LCT: variants seen among roughly 807,000 people sequenced by gnomAD.
LCT encodes lactase/phlorizin hydrolase.
In LCT, 90 loss-of-function variants were observed where a neutral mutation model predicts 173.0. The ratio of observed to expected loss-of-function variants is 0.52; its 90% CI spans 0.44 to 0.62. The LOEUF (loss-of-function observed/expected upper bound fraction) is 0.62. LCT is among the 20% of genes least tolerant of loss of function. The probability of loss-of-function intolerance (pLI) is 0.00; values close to 1 mark genes in which losing one functional copy is unlikely to be tolerated. For missense variants in LCT, 1,864 were observed against 2,431.4 expected, an observed-to-expected ratio of 0.77 and a Z score of 4.91; for synonymous variants, 853 against 957.6, an observed-to-expected ratio of 0.89 and a Z score of 2.02.
intron 12 of LCT, among the ~76,000 whole-genome samples, chr2:135,799,331 G>A (rs1384837964): frequency 1.3e-5 from 2 of 152,096 alleles, no homozygotes; most frequent in South Asian, 2.1e-4. Context: ...CCTTCCTGAT[G>A]CAAAATGTAG....
At chr2:135,794,601 T>C in intron 14 of LCT, 40 bp downstream of exon 14, 2 of 1,610,634 alleles carry the variant, frequency 1.2e-6, no homozygotes, top group Non-Finnish European at 1.7e-6. Context: ...CTTTCTGCCT[T>C]TTCCAGAGAT....
chr2:135,790,903 ATGAGGTCT>A lies in LCT; in HGVS notation c.5112-30_5112-23del. On this transcript the variant is annotated intron_variant, in intron 14 of 16. Coordinates refer to ENST00000264162, the MANE Select transcript of LCT (RefSeq NM_002299.4). This position sits in a 1 kb window ranked among gnomAD's most constrained non-coding sequence, Gnocchi z 4.1. ...TCCTCTACAAGTTCAAAAACTAAAG[ATGAGGTCT>A]TGTTTTGTAAATCTCAAGAGGCCCT... is the stretch of plus-strand genomic sequence containing the variant. 6.4e-7 allele frequency: 1 copy of A among 1,569,100 alleles called. No homozygotes were observed. Among genetic ancestry groups the A allele is most frequent in the Non-Finnish European group, 8.8e-7 (1 of 1,138,834 alleles).
At position 135,812,389 on chromosome 2, in the gene LCT, T is replaced by C. The variant is rs1477452077; in HGVS notation, c.2275A>G (p.Ile759Val). The C allele has an allele frequency of 4.3e-6, 7 of 1,613,936 alleles. No individual in the cohort carries two copies. The highest frequency in any genetic ancestry group is 5.9e-6 in the Non-Finnish European group (7 of 1,179,872). Residue 759 changes from isoleucine to valine, a missense_variant, in exon 7 of 17, where the codon ATA (isoleucine) becomes GTA (valine). By Grantham distance (29) the Ile-to-Val change is conservative. This residue lies in a region of LCT where 755 missense variants were observed against 926.3 expected (regional missense o/e 0.82). Transcript: ENST00000264162. ...PIYLAGNGMPIGESENLFDDS... is the reference protein window; with the variant it reads ...PIYLAGNGMPVGESENLFDDS... ...TCAAAGAGATTTTCACTTTCCCCTA[T>C]GGGCATGCCATTCCCGGCAAGGTAT... is the stretch of plus-strand genomic sequence containing the variant.
intron 3 of LCT, among the ~76,000 whole-genome samples, chr2:135,825,327 G>C (rs566010686): frequency 6.6e-6 from 1 of 152,296 alleles, no homozygotes; most frequent in South Asian, 2.1e-4. Context: ...TCGAGAGGCC[G>C]AGCGGGTTGC....
intron 5 of LCT, among the ~76,000 whole-genome samples, chr2:135,821,327 G>T (rs1252049716): frequency 6.6e-6 from 1 of 152,146 alleles, no homozygotes; most frequent in African/African-American, 2.4e-5. Context: ...GCAACAGCTG[G>T]CTTTCCTGTC....
At chr2:135,812,247 A>T in intron 7 of LCT, 64 bp downstream of exon 7, 2 of 1,406,482 alleles carry the variant, frequency 1.4e-6, no homozygotes. Flanking sequence ...TTATTAAACG[A>T]AACTTTGAAG....
intron 1 of LCT, 69 bp downstream of exon 1, chr2:135,836,461 C>G: frequency 7.1e-7 from 1 of 1,414,082 alleles, no homozygotes; most frequent in South Asian, 1.1e-5. Context: ...CGAATCTGCT[C>G]TAAGGAGGAT....
chr2:135,806,224 G>A (rs1226772120), intron 9 of LCT, among the ~76,000 whole-genome samples: 2 of 151,972 alleles, frequency 1.3e-5, no homozygotes, highest in Admixed American at 1.3e-4. Context: ...TCCTCGTCTC[G>A]AGCGATCCTC....
Position 135,797,631 on chromosome 2 carries a change from C to T in LCT, c.4976+398G>A, listed in dbSNP as rs910241732. On this transcript the variant is annotated intron_variant, in intron 13 of 16. Transcript: ENST00000264162. ...TCCTTCCTTGACAAGAAGGGGCGGG[C>T]GGGTAAGGAAGGACGCTTTGGTGCA... Among the ~76,000 whole-genome samples the T allele has an allele frequency of 3.9e-5, 6 of 152,264 alleles. No homozygotes were observed. The East Asian group carries it at 7.7e-4, about 20-fold the overall frequency.
Position 135,807,381 on chromosome 2 carries a change from C to G in LCT, c.3920G>C (p.Gly1307Ala). 4 of 1,614,126 alleles carry G rather than the reference C, an allele frequency of 2.5e-6. No individual in the cohort carries two copies. The highest frequency in any genetic ancestry group is 3.4e-6 in the Non-Finnish European group (4 of 1,180,014). Residue 1307 changes from glycine to alanine, a missense_variant, in exon 9 of 17, where the codon GGT (glycine) becomes GCT (alanine). Physicochemically the swap from Gly to Ala is moderately conservative, Grantham distance 60. Transcript: ENST00000264162. ...GGCGACATACCCTCGAAGGTCTATA[C>G]CATCGAGCCTGTAGGCTGGGAACAT... Reference protein sequence around the residue: ...NEALKAYRLDGIDLRGYVAWS... With the variant: ...NEALKAYRLDAIDLRGYVAWS...
chr2:135,807,023 G>T (rs538472320), intron 9 of LCT, 105 bp downstream of exon 9: 41 of 1,339,612 alleles, frequency 3.1e-5, no homozygotes, highest in Non-Finnish European at 4.2e-5. Flanking sequence ...CCATGGGTCT[G>T]CTGGAATCTC....
chr2:135,800,843 G>T (rs771014240), intron 11 of LCT, 34 bp from the exon 12 acceptor site: 2 of 1,503,086 alleles, frequency 1.3e-6, no homozygotes, highest in South Asian at 1.1e-5. Flanking sequence ...AACAGAGAAT[G>T]GATAGAATGG....
At chr2:135,801,371 A>G (rs569482500) in intron 11 of LCT, among the ~76,000 whole-genome samples, 1 of 152,100 alleles carries the variant, frequency 6.6e-6, no homozygotes. Flanking sequence ...GCTTCAAACC[A>G]ATGTTATATT....
chr2:135,792,244 T>C (rs1328970026), intron 14 of LCT, among the ~76,000 whole-genome samples: 1 of 152,122 alleles, frequency 6.6e-6, no homozygotes, highest in Admixed American at 6.5e-5. Context: ...CCACTCCCTG[T>C]CCCCAGCTTG....
intron 5 of LCT, among the ~76,000 whole-genome samples, chr2:135,821,083 G>C (rs2077824766): frequency 6.6e-6 from 1 of 152,022 alleles, no homozygotes; most frequent in Non-Finnish European, 1.5e-5. Flanking sequence ...GGGTTTCACT[G>C]TGTTAGCCAG....
rs2077741705 is a variant in LCT at position 135,812,406 on chromosome 2, G to C, written c.2258C>G (p.Ala753Gly). 6 of 1,614,082 alleles carry C rather than the reference G, an allele frequency of 3.7e-6. No individual in the cohort carries two copies. Among genetic ancestry groups the C allele is most frequent in the Non-Finnish European group, 4.2e-6 (5 of 1,179,922 alleles). ...YTRGKVPIYLAGNGMPIGESE... is the reference protein window; with the variant it reads ...YTRGKVPIYLGGNGMPIGESE... ...TTCCCCTATGGGCATGCCATTCCCG[G>C]CAAGGTATATTGGAACTTTTCCTCT... Residue 753 changes from alanine (A) to glycine (G), a missense_variant, in exon 7 of 17, where the codon GCC becomes GGC. Around this residue, in one of 4 missense-constraint regions of LCT, gnomAD observed 755 missense variants for 926.3 expected, o/e 0.82. Coordinates refer to ENST00000264162, the MANE Select transcript of LCT (RefSeq NM_002299.4).
chr2:135,812,568 C>A lies in LCT; in HGVS notation c.2096G>T (p.Cys699Phe). The stretch of plus-strand genomic sequence containing the variant: ...TCCAATGGTATCATAGCTAGGGATG[C>A]AGGTGTTTTGTGGGGCGTTGCTGAT... ...RLISNAPQNT[C>F]IPSYDTIGGF... The change falls in exon 7 of 17, where the codon TGC (cysteine) becomes TTC (phenylalanine). Residue 699 changes from cysteine to phenylalanine, a missense_variant. Coordinates refer to ENST00000264162, the MANE Select transcript of LCT (RefSeq NM_002299.4). The A allele has an allele frequency of 6.2e-7, 1 of 1,613,694 alleles. No individual in the cohort carries two copies. The highest frequency in any genetic ancestry group is 8.5e-7 in the Non-Finnish European group (1 of 1,179,614).
intron 6 of LCT, among the ~76,000 whole-genome samples, chr2:135,815,399 A>G (rs2077770781): frequency 6.6e-6 from 1 of 152,172 alleles, no homozygotes. Flanking sequence ...GAAACAGAAG[A>G]TTTCAAACCT....
chr2:135,830,954 C>G (rs980822801), intron 2 of LCT, among the ~76,000 whole-genome samples: 1 of 152,246 alleles, frequency 6.6e-6, no homozygotes, highest in African/African-American at 2.4e-5. Flanking sequence ...GAGGAGAAGA[C>G]AGAAATTTAG....
Sources: allele counts gnomAD v4.1 joint callset (sites outside exome capture counted in the v4.1 genomes callset), GRCh38; gene constraint gnomAD v4.1.1; regional missense constraint gnomAD v4.1.1; non-coding constraint Gnocchi (gnomAD v3.1); transcripts MANE v1.5; gene names NCBI Gene and HGNC (gene_info 2026-07-23, HGNC 2026-07-21).